TMEM248: variants seen among roughly 807,000 people sequenced by gnomAD.
TMEM248 encodes transmembrane protein 248, also known as UPF0458 protein C7orf42.
TMEM248 carries 9 observed loss-of-function variants against 30.3 expected under a neutral mutation model. The ratio of observed to expected loss-of-function variants is 0.30; its 90% CI spans 0.18 to 0.52. The LOEUF (loss-of-function observed/expected upper bound fraction) is 0.52. Ranked by LOEUF, TMEM248 falls within the 20% of genes least tolerant of loss-of-function variation. The pLI is 0.97. For missense variants in TMEM248, 338 were observed against 403.3 expected, an observed-to-expected ratio of 0.84 and a Z score of 1.39; for synonymous variants, 184 against 154.4, an observed-to-expected ratio of 1.19 and a Z score of -1.42.
intron 4 of TMEM248, among the ~76,000 whole-genome samples, chr7:66,950,175 G>A (rs1045329005): frequency 1.1e-4 from 16 of 150,794 alleles, no homozygotes; most frequent in East Asian, 5.8e-4. Flanking sequence ...TCAGTGAGCC[G>A]AGGTCACACC....
chr7:66,940,316 C>G (rs985628431), intron 1 of TMEM248, among the ~76,000 whole-genome samples: 12 of 152,122 alleles, frequency 7.9e-5, no homozygotes, highest in African/African-American at 1.9e-4. Context: ...CAGGCAGATA[C>G]AAAATTCTTC....
Position 66,955,517 on chromosome 7 carries a change from G to A in TMEM248, c.940G>A (p.Ala314Thr), listed in dbSNP as rs754683769. ...FCPEKVALAEA is the reference protein window; with the variant it reads ...FCPEKVALAET Reference sequence around the variant, plus strand: ...TGTCTTCCAGGTGGCTTTGGCTGAAGCCTAATTCCACAGCTCCTTGTTTTT... The same window carrying A: ...TGTCTTCCAGGTGGCTTTGGCTGAAACCTAATTCCACAGCTCCTTGTTTTT... The change falls in exon 7 of 7, where the codon GCC becomes ACC. Residue 314 changes from alanine (A) to threonine (T), a missense_variant. Physicochemically the swap from Ala to Thr is moderately conservative, Grantham distance 58. Coordinates refer to ENST00000341567, the MANE Select transcript of TMEM248 (RefSeq NM_017994.5). The A allele has an allele frequency of 3.7e-6, 6 of 1,614,118 alleles. No homozygotes were observed. The Admixed American group carries it at 5.0e-5, about 13-fold the overall frequency.
Sources: gnomAD v4.1 joint callset for allele counts (sites outside exome capture counted in the v4.1 genomes callset) on GRCh38, gnomAD v4.1.1 for gene constraint, MANE v1.5 for transcripts, NCBI Gene and HGNC (gene_info 2026-07-23, HGNC 2026-07-21) for gene names.